NOL4: variants seen among roughly 807,000 people sequenced by gnomAD.
NOL4 encodes the protein cancer/testis antigen 125.
NOL4 carries 17 observed loss-of-function variants against 75.9 expected under a neutral mutation model. That is an observed-to-expected ratio of 0.22 (90% confidence interval 0.15 to 0.34). The LOEUF (loss-of-function observed/expected upper bound fraction) is 0.34. NOL4 is among the 10% of genes least tolerant of loss of function. NOL4 has a pLI of 1.00. For synonymous variants in NOL4, 292 were observed against 289.9 expected, an observed-to-expected ratio of 1.01 and a Z score of -0.07; for missense variants, 614 against 793.5, an observed-to-expected ratio of 0.77 and a Z score of 2.72.
chr18:33,963,076 G>C (rs745853762), intron 6 of NOL4, among the ~76,000 whole-genome samples: 2 of 152,072 alleles, frequency 1.3e-5, no homozygotes, highest in African/African-American at 4.8e-5. Context: ...ATTTAAGGCC[G>C]AATTAAGTTC....
chr18:34,141,288 C>T (rs2081146531), intron 1 of NOL4, among the ~76,000 whole-genome samples: 2 of 152,100 alleles, frequency 1.3e-5, no homozygotes, highest in Admixed American at 6.6e-5. Flanking sequence ...AATGCCATCC[C>T]CATCAAGCTA....
At chr18:34,175,008 A>G (rs888502742) in intron 1 of NOL4, among the ~76,000 whole-genome samples, 1 of 152,172 alleles carries the variant, frequency 6.6e-6, no homozygotes, top group East Asian at 1.9e-4. Flanking sequence ...AACTAGAAAT[A>G]CCATTTGACC....
chr18:34,117,277 A>G (rs2079905257), intron 2 of NOL4, among the ~76,000 whole-genome samples: 1 of 152,194 alleles, frequency 6.6e-6, no homozygotes. Flanking sequence ...TTTGCCAATT[A>G]TGTACAAGAG....
At chr18:33,918,706 A>T (rs1482437476) in intron 9 of NOL4, among the ~76,000 whole-genome samples, 1 of 152,148 alleles carries the variant, frequency 6.6e-6, no homozygotes, top group Non-Finnish European at 1.5e-5. Context: ...TAATGCAAAA[A>T]TTTTGGCATA....
At chr18:33,976,485 G>C (rs561707921) in intron 6 of NOL4, among the ~76,000 whole-genome samples, 1 of 152,132 alleles carries the variant, frequency 6.6e-6, no homozygotes, top group South Asian at 2.1e-4. Flanking sequence ...CTATCATTCT[G>C]AAGTAGAAGT....
intron 9 of NOL4, among the ~76,000 whole-genome samples, chr18:33,930,235 T>C (rs1344489260): frequency 2.0e-5 from 3 of 152,136 alleles, no homozygotes; most frequent in African/African-American, 7.2e-5. Context: ...CATTTTTATG[T>C]TTATAAAATT....
intron 9 of NOL4, among the ~76,000 whole-genome samples, chr18:33,896,203 TATC>T (rs1276644930): frequency 6.6e-6 from 1 of 152,106 alleles, no homozygotes; most frequent in Non-Finnish European, 1.5e-5. Flanking sequence ...GAAGAATCAA[TATC>T]ATTAAAATGG....
chr18:34,050,668 T>C (rs183176704), intron 5 of NOL4, among the ~76,000 whole-genome samples: 79 of 152,252 alleles, frequency 5.2e-4, no homozygotes, highest in Non-Finnish European at 9.6e-4. Context: ...TTTTAAATTT[T>C]TCCTCATGTA....
intron 10 of NOL4, among the ~76,000 whole-genome samples, chr18:33,867,110 T>C (rs1225169231): frequency 6.6e-6 from 1 of 152,142 alleles, no homozygotes; most frequent in African/African-American, 2.4e-5. Context: ...ATAGTACTAT[T>C]TATAGTTTAC....
intron 6 of NOL4, among the ~76,000 whole-genome samples, chr18:33,984,870 G>A (rs924253094): frequency 5.3e-5 from 8 of 151,770 alleles, no homozygotes; most frequent in South Asian, 2.1e-4. Flanking sequence ...ACATTTTTTC[G>A]ACTCTGGAAA....
intron 1 of NOL4, among the ~76,000 whole-genome samples, chr18:34,217,126 T>G (rs529623146): frequency 9.2e-5 from 14 of 152,148 alleles, no homozygotes; most frequent in Non-Finnish European, 2.1e-4. Flanking sequence ...TTTCTTTATT[T>G]CTTTCCTTTT....
chr18:33,853,064 C>T, intron 10 of NOL4, 29 bp from the exon 11 acceptor site: 1 of 1,554,684 alleles, frequency 6.4e-7, no homozygotes, highest in Non-Finnish European at 8.7e-7. Flanking sequence ...CAAAATTAGA[C>T]ATAAATATTA....
At chr18:33,888,214 T>C (rs1168950697) in intron 9 of NOL4, among the ~76,000 whole-genome samples, 2 of 152,220 alleles carry the variant, frequency 1.3e-5, no homozygotes, top group Admixed American at 6.5e-5. Context: ...GCTGCATGAA[T>C]GTCTTCTTTT....
chr18:33,860,780 T>C (rs1225700861), intron 10 of NOL4, among the ~76,000 whole-genome samples: 4 of 152,048 alleles, frequency 2.6e-5, no homozygotes, highest in Admixed American at 1.3e-4. Context: ...TTGTCACAGA[T>C]AGCTCTTATT....
intron 10 of NOL4, among the ~76,000 whole-genome samples, chr18:33,859,929 A>C (rs1237122352): frequency 6.6e-6 from 1 of 152,130 alleles, no homozygotes; most frequent in Admixed American, 6.6e-5. Flanking sequence ...AAAATAAATA[A>C]ATAAAATGAA....
intron 8 of NOL4, 73 bp downstream of exon 8, chr18:33,957,252 GA>G (rs545934067): frequency 5.4e-5 from 67 of 1,230,052 alleles, no homozygotes; most frequent in Middle Eastern, 2.1e-4. Context: ...CACTAAGATG[GA>G]AAAAAAATAG....
chr18:34,160,661 A>G lies in NOL4; in HGVS notation c.265-30641T>C, dbSNP rs567924858. Among the ~76,000 whole-genome samples the G allele has an allele frequency of 2.6e-5, 4 of 152,310 alleles. No individual in the cohort carries two copies. The South Asian group carries it at 6.2e-4, about 24-fold the overall frequency. On this transcript the variant is annotated intron_variant, in intron 1 of 10. Coordinates refer to ENST00000261592, the MANE Select transcript of NOL4 (RefSeq NM_003787.5). ...GTCACTTTAAATACTAAAACAAATGATCTTTTAATTAGAGTTTTAAAAAAT... is the reference window on the plus strand; with the variant it reads ...GTCACTTTAAATACTAAAACAAATGGTCTTTTAATTAGAGTTTTAAAAAAT...
chr18:33,901,236 ATTTT>A (rs960105890), intron 9 of NOL4, among the ~76,000 whole-genome samples: 1 of 152,072 alleles, frequency 6.6e-6, no homozygotes, highest in Non-Finnish European at 1.5e-5. Context: ...TGTTTATGTG[ATTTT>A]TTTGACAAAT....
intron 2 of NOL4, among the ~76,000 whole-genome samples, chr18:34,120,635 C>T (rs901569522): frequency 6.6e-6 from 1 of 152,094 alleles, no homozygotes; most frequent in Non-Finnish European, 1.5e-5. Flanking sequence ...CGGATAAAAA[C>T]AATTTGGAGA....
Sources: gnomAD v4.1 joint callset for allele counts (sites outside exome capture counted in the v4.1 genomes callset) on GRCh38, gnomAD v4.1.1 for gene constraint, MANE v1.5 for transcripts, NCBI Gene and HGNC (gene_info 2026-07-23, HGNC 2026-07-21) for gene names.